FHIT: variants seen among roughly 807,000 people sequenced by gnomAD.
FHIT encodes bis(5'-adenosyl)-triphosphatase.
FHIT carries 19 observed loss-of-function variants against 17.9 expected under a neutral mutation model. The ratio of observed to expected loss-of-function variants is 1.06; its 90% confidence interval spans 0.74 to 1.56. The LOEUF is 1.56. FHIT is among the 40% of genes most tolerant of loss of function. The pLI is 0.00. For synonymous variants in FHIT, 81 were observed against 69.7 expected (o/e 1.16, Z -0.81); for missense variants, 248 against 189.2 (o/e 1.31, Z -1.82).
At chr3:60,444,499 G>C (rs494368) in intron 5 of FHIT, among the ~76,000 whole-genome samples, 1 of 151,964 alleles carries the variant, frequency 6.6e-6, no homozygotes, top group East Asian at 1.9e-4. Flanking sequence ...ATATACCATG[G>C]AATACTATGC....
At chr3:60,173,913 A>ATTTTTTTTTTTTTT (rs1359545917) in intron 5 of FHIT, among the ~76,000 whole-genome samples, 3 of 68,518 alleles carry the variant, frequency 4.4e-5, no homozygotes, top group Non-Finnish European at 8.2e-5. Context: ...ATATATATAT[A>ATTTTTTTTTTTTTT]TATGTTTTTT....
chr3:60,740,314 G>A (rs552990856), intron 4 of FHIT, among the ~76,000 whole-genome samples: 23 of 152,234 alleles, frequency 1.5e-4, no homozygotes, highest in African/African-American at 4.8e-4. Context: ...TGCTTGTTAC[G>A]TGACCCCTGG....
intron 3 of FHIT, among the ~76,000 whole-genome samples, chr3:60,975,032 A>T (rs540675225): frequency 6.6e-6 from 1 of 152,254 alleles, no homozygotes; most frequent in South Asian, 2.1e-4. Context: ...ATGGTTACTG[A>T]TGGTAGCTGT....
chr3:60,383,167 A>C (rs538775945), intron 5 of FHIT, among the ~76,000 whole-genome samples: 2 of 152,262 alleles, frequency 1.3e-5, no homozygotes, highest in African/African-American at 4.8e-5. Context: ...AGGGAATGGG[A>C]GTTTCTTTTG....
Position 60,323,071 on chromosome 3 carries a change from T to G in FHIT, c.103+213789A>C, listed in dbSNP as rs1003204700. Among the ~76,000 whole-genome samples the G allele has an allele frequency of 2.0e-5, 3 of 152,256 alleles. No homozygotes were observed. In the Middle Eastern group the frequency reaches 0.01, roughly 518 times the overall value. The stretch of plus-strand genomic sequence containing the variant: ...AGAGCATTCTCCCCACCCTTTCTCC[T>G]ACTTCCAACTTCCTGCAAAAATCCT... On this transcript the variant is annotated intron_variant, in intron 5 of 9. Transcript: ENST00000492590.
intron 7 of FHIT, among the ~76,000 whole-genome samples, chr3:59,955,375 T>G (rs1707341000): frequency 6.6e-6 from 1 of 152,204 alleles, no homozygotes; most frequent in African/African-American, 2.4e-5. Context: ...AGTCCTCTTC[T>G]ATCCAATTTC....
At chr3:61,124,244 T>C (rs1327505992) in intron 2 of FHIT, among the ~76,000 whole-genome samples, 4 of 152,196 alleles carry the variant, frequency 2.6e-5, no homozygotes, top group Non-Finnish European at 5.9e-5. Flanking sequence ...TATGATTGCC[T>C]ATGCATGAGT....
intron 5 of FHIT, among the ~76,000 whole-genome samples, chr3:60,295,907 T>G (rs1708184504): frequency 6.6e-6 from 1 of 152,080 alleles, no homozygotes. Context: ...GTAGCTCCCA[T>G]GATTCCCACG....
Position 60,055,054 on chromosome 3 carries a change from T to C in FHIT, c.104-40902A>G, listed in dbSNP as rs539371431. The stretch of plus-strand genomic sequence containing the variant: ...AAAAAAATACCCTGTCATTATATGA[T>C]TTTTCACAGAACTAAAAAGAAATAA... On this transcript the variant is annotated intron_variant, in intron 5 of 9. Transcript: ENST00000492590. Among the ~76,000 whole-genome samples, 6 of 152,262 alleles carry C rather than the reference T, an allele frequency of 3.9e-5. No individual in the cohort carries two copies. The South Asian group carries it at 1.2e-3, about 32-fold the overall frequency.
Position 60,944,334 on chromosome 3 carries a change from C to CTTT in FHIT, c.-111+97710_-111+97712dup, listed in dbSNP as rs10625111. ...TTCCAAAAGCAGTGCCTGAGTTTGT[C>CTTT]TTTTTTTTTTCCTCCATCAACTCTG... On this transcript the variant is annotated intron_variant, in intron 3 of 9. Coordinates refer to ENST00000492590, the MANE Select transcript of FHIT (RefSeq NM_002012.4). 6.7e-5 allele frequency among the ~76,000 whole-genome samples: 10 copies of CTTT among 150,320 alleles called. No individual in the cohort carries two copies. The South Asian group carries it at 1.0e-3, about 16-fold the overall frequency.
Position 59,777,377 on chromosome 3 carries a change from T to TAA in FHIT, c.349-25058_349-25057dup, listed in dbSNP as rs11429625. Among the ~76,000 whole-genome samples the TAA allele has an allele frequency of 1.1e-4, 16 of 146,584 alleles. 1 individual carries two copies. The East Asian group carries it at 1.6e-3, about 15-fold the overall frequency. ...GGCACCTATATTTATCACCCAAAGATAAAAAAAAAACCCCTGACTTGTAAC... is the reference window on the plus strand; with the variant it reads ...GGCACCTATATTTATCACCCAAAGATAAAAAAAAAAAACCCCTGACTTGTAAC... On this transcript the variant is annotated intron_variant, in intron 8 of 9. Transcript: ENST00000492590.
intron 5 of FHIT, among the ~76,000 whole-genome samples, chr3:60,156,230 A>G (rs1018772784): frequency 1.3e-5 from 2 of 151,690 alleles, no homozygotes; most frequent in South Asian, 2.1e-4. Flanking sequence ...TGCTCCTGTA[A>G]TCCCAGCTAC....
chr3:60,927,618 C>G (rs879958025), intron 3 of FHIT, among the ~76,000 whole-genome samples: 2 of 151,574 alleles, frequency 1.3e-5, no homozygotes, highest in South Asian at 4.2e-4. Context: ...ATGTGAGGAG[C>G]GCCTCTGCCC....
chr3:60,818,795 C>T (rs1701822924), intron 4 of FHIT, among the ~76,000 whole-genome samples: 1 of 152,246 alleles, frequency 6.6e-6, no homozygotes, highest in East Asian at 1.9e-4. Flanking sequence ...GCTATGATTG[C>T]CCTGAACCCT....
chr3:59,931,455 T>G (rs933195235), intron 7 of FHIT, among the ~76,000 whole-genome samples: 4 of 152,174 alleles, frequency 2.6e-5, no homozygotes, highest in African/African-American at 9.7e-5. Flanking sequence ...TACCTCAGCA[T>G]GATCAACTCA....
intron 5 of FHIT, among the ~76,000 whole-genome samples, chr3:60,459,771 G>T (rs185388390): frequency 1.3e-5 from 2 of 152,144 alleles, no homozygotes; most frequent in Admixed American, 1.3e-4. Context: ...TAATTTTAAG[G>T]CACTCTCAGT....
intron 3 of FHIT, among the ~76,000 whole-genome samples, chr3:60,906,228 T>C (rs1245795530): frequency 6.6e-6 from 1 of 152,126 alleles, no homozygotes; most frequent in Admixed American, 6.5e-5. Flanking sequence ...ATTGATATAG[T>C]AATTCTGAAA....
chr3:60,323,011 T>A (rs1709503665), intron 5 of FHIT, among the ~76,000 whole-genome samples: 2 of 152,196 alleles, frequency 1.3e-5, no homozygotes, highest in Admixed American at 6.5e-5. Context: ...AGATTCACTA[T>A]TTAGGTATGA....
At chr3:60,908,330 A>G (rs1043030598) in intron 3 of FHIT, among the ~76,000 whole-genome samples, 1 of 152,210 alleles carries the variant, frequency 6.6e-6, no homozygotes, top group Non-Finnish European at 1.5e-5. Flanking sequence ...AATCAAAGAA[A>G]AAAGAACAAA....
Sources: allele counts gnomAD v4.1 joint callset (sites outside exome capture counted in the v4.1 genomes callset), GRCh38; gene constraint gnomAD v4.1.1; transcripts MANE v1.5; gene names NCBI Gene and HGNC (gene_info 2026-07-23, HGNC 2026-07-21).